TRIM2: variants seen among roughly 807,000 people sequenced by gnomAD.
The protein encoded by TRIM2 is tripartite motif-containing protein 2.
TRIM2 carries 20 observed loss-of-function variants against 75.2 expected under a neutral mutation model. The ratio of observed to expected loss-of-function variants is 0.27; its 90% CI spans 0.19 to 0.39. The LOEUF (loss-of-function observed/expected upper bound fraction) is 0.39. Ranked by LOEUF, TRIM2 falls within the 10% of genes least tolerant of loss-of-function variation. The probability of loss-of-function intolerance (pLI) is 1.00; values close to 1 mark genes in which losing one functional copy is unlikely to be tolerated. For synonymous variants in TRIM2, 373 were observed against 388.3 expected (o/e 0.96, Z 0.46); for missense variants, 660 against 990.8 (o/e 0.67, Z 4.48).
At chr4:153,252,406 C>T (rs1472237773) in intron 1 of TRIM2, among the ~76,000 whole-genome samples, 2 of 152,344 alleles carry the variant, frequency 1.3e-5, no homozygotes, top group Non-Finnish European at 1.5e-5. Context: ...TTACTCCATC[C>T]TGGGCTGGTC....
chr4:153,239,375 G>A (rs1446322182), intron 1 of TRIM2, among the ~76,000 whole-genome samples: 1 of 150,172 alleles, frequency 6.7e-6, no homozygotes, highest in Non-Finnish European at 1.5e-5. Context: ...AAAGAACTCT[G>A]GCTTTGATAG....
chr4:153,193,292 A>C (rs564494092), intron 1 of TRIM2, among the ~76,000 whole-genome samples: 2 of 150,956 alleles, frequency 1.3e-5, no homozygotes, highest in East Asian at 3.9e-4. Context: ...CCACCACGCC[A>C]GGCTAATTTT....
At chr4:153,246,199 G>C (rs1023575349) in intron 1 of TRIM2, among the ~76,000 whole-genome samples, 4 of 152,156 alleles carry the variant, frequency 2.6e-5, no homozygotes, top group Non-Finnish European at 4.4e-5. Context: ...TTTGGGCATT[G>C]TTTAATCCTC....
intron 1 of TRIM2, among the ~76,000 whole-genome samples, chr4:153,171,504 T>G (rs982433092): frequency 6.6e-6 from 1 of 152,152 alleles, no homozygotes; most frequent in Non-Finnish European, 1.5e-5. Context: ...AAGAATCACT[T>G]GAACCCAGGA....
rs1328828863 is a variant in TRIM2, at chr4:153,337,535, TGTTAAA to T, written c.*2572_*2577del. Reference sequence around the variant, plus strand: ...TTTCCAAAAAATATGTGATTATATATGTTAAAGTATAGATAACATTTCACACTTGGA... The same window carrying T: ...TTTCCAAAAAATATGTGATTATATATGTATAGATAACATTTCACACTTGGA... On this transcript the variant is annotated 3_prime_UTR_variant, in exon 12 of 12. Transcript: ENST00000338700. 5 of 985,680 alleles carry T rather than the reference TGTTAAA, an allele frequency of 5.1e-6. No individual in the cohort carries two copies. The highest frequency in any genetic ancestry group is 4.8e-6 in the Non-Finnish European group (4 of 829,872). 61.1% of individuals were successfully genotyped at this position (985,680 alleles called of 1,614,324 possible).
At chr4:153,270,227 C>A (rs1460333446) in intron 1 of TRIM2, 108 bp from the exon 2 acceptor site, 28 of 1,359,006 alleles carry the variant, frequency 2.1e-5, no homozygotes, top group Non-Finnish European at 2.5e-5. Context: ...CACACCTGGC[C>A]GACTTCTACC....
chr4:153,283,231 C>T (rs552718381), intron 3 of TRIM2, among the ~76,000 whole-genome samples: 2 of 152,310 alleles, frequency 1.3e-5, no homozygotes, highest in South Asian at 4.1e-4. Context: ...TCCCTCCTCC[C>T]ACTAATCCCT....
At chr4:153,214,556 A>G (rs1348798339) in intron 1 of TRIM2, among the ~76,000 whole-genome samples, 3 of 152,244 alleles carry the variant, frequency 2.0e-5, no homozygotes, top group African/African-American at 7.2e-5. Flanking sequence ...ATTTTTGTCC[A>G]AAGCAGCCTC....
chr4:153,172,033 C>G (rs1730922035), intron 1 of TRIM2, among the ~76,000 whole-genome samples: 1 of 151,828 alleles, frequency 6.6e-6, no homozygotes, highest in Admixed American at 6.6e-5. Flanking sequence ...TCAAAGGTGT[C>G]TTTCTGCAGT....
intron 1 of TRIM2, among the ~76,000 whole-genome samples, chr4:153,223,418 T>TA (rs1293512311): frequency 6.6e-6 from 1 of 152,262 alleles, no homozygotes; most frequent in Non-Finnish European, 1.5e-5. Flanking sequence ...TCTTTTTCTT[T>TA]AAAAACATGT....
At chr4:153,289,698 A>T (rs1381909247) in intron 3 of TRIM2, among the ~76,000 whole-genome samples, 1 of 152,202 alleles carries the variant, frequency 6.6e-6, no homozygotes, top group African/African-American at 2.4e-5. Context: ...TCTAAATGCA[A>T]TGTGCACACT....
At chr4:153,215,139 C>T (rs888455151) in intron 1 of TRIM2, among the ~76,000 whole-genome samples, 4 of 152,206 alleles carry the variant, frequency 2.6e-5, no homozygotes, top group African/African-American at 9.7e-5. Flanking sequence ...CTCACTAGAA[C>T]CCCTAACTGA....
At chr4:153,261,234 C>T (rs1268409747) in intron 1 of TRIM2, among the ~76,000 whole-genome samples, 1 of 152,146 alleles carries the variant, frequency 6.6e-6, no homozygotes, top group East Asian at 1.9e-4. Context: ...CCAGCCTGGC[C>T]AGTATGGTGA....
intron 1 of TRIM2, among the ~76,000 whole-genome samples, chr4:153,183,265 C>A (rs1475371894): frequency 6.6e-6 from 1 of 152,206 alleles, no homozygotes; most frequent in African/African-American, 2.4e-5. Context: ...CCTCCTTGTA[C>A]CTGCTTTGAT....
intron 1 of TRIM2, among the ~76,000 whole-genome samples, chr4:153,258,017 T>C (rs1427439776): frequency 1.3e-5 from 2 of 152,208 alleles, no homozygotes; most frequent in Admixed American, 6.5e-5. Flanking sequence ...AGTCTTTATT[T>C]TAGTGTGTAT....
intron 1 of TRIM2, among the ~76,000 whole-genome samples, chr4:153,161,384 C>T (rs1240466775): frequency 6.6e-6 from 1 of 152,152 alleles, no homozygotes; most frequent in Non-Finnish European, 1.5e-5. Flanking sequence ...CCCATTCAGC[C>T]TTAACAGTTA....
intron 6 of TRIM2, chr4:153,310,235 C>A (rs1426079451): frequency 1.3e-5 from 2 of 152,054 alleles, no homozygotes; most frequent in Non-Finnish European, 2.9e-5. Flanking sequence ...CAAATGAAAT[C>A]TTTTACATTA....
At chr4:153,245,505 C>T (rs1748903647) in intron 1 of TRIM2, among the ~76,000 whole-genome samples, 1 of 152,182 alleles carries the variant, frequency 6.6e-6, no homozygotes, top group Non-Finnish European at 1.5e-5. Flanking sequence ...TGTTTTTGTA[C>T]AACCAGTGAG....
intron 1 of TRIM2, among the ~76,000 whole-genome samples, chr4:153,213,997 GAA>G (rs67392718): frequency 1.4e-5 from 2 of 146,940 alleles, no homozygotes; most frequent in African/African-American, 5.0e-5. Flanking sequence ...GAGGAAAAAA[GAA>G]AAAAAAAAAG....
Sources: allele counts gnomAD v4.1 joint callset (sites outside exome capture counted in the v4.1 genomes callset), GRCh38; gene constraint gnomAD v4.1.1; transcripts MANE v1.5; gene names NCBI Gene and HGNC (gene_info 2026-07-23, HGNC 2026-07-21).